CENPK: variants seen among roughly 807,000 people sequenced by gnomAD.
CENPK encodes the protein SoxLZ/Sox6-binding protein Solt.
In CENPK, 46 loss-of-function variants were observed where a neutral mutation model predicts 40.9. The observed-to-expected ratio is 1.13, with a 90% CI of 0.89 to 1.44. The LOEUF (loss-of-function observed/expected upper bound fraction) is 1.44, where lower values mean the gene tolerates loss of function less well. CENPK is among the 40% of genes most tolerant of loss of function. CENPK has a pLI of 0.00. For synonymous variants in CENPK, 107 were observed against 104.4 expected, an observed-to-expected ratio of 1.02 and a Z score of -0.15; for missense variants, 288 against 303.5, an observed-to-expected ratio of 0.95 and a Z score of 0.38.
chr5:65,530,073 G>A (rs1745502760), intron 6 of CENPK, among the ~76,000 whole-genome samples: 1 of 152,150 alleles, frequency 6.6e-6, no homozygotes, highest in African/African-American at 2.4e-5. Context: ...AAAGTGCTAG[G>A]ATTACAGGTG....
downstream of CENPK, among the ~76,000 whole-genome samples, chr5:65,514,447 A>C (rs1262279166): frequency 6.6e-6 from 1 of 151,250 alleles, no homozygotes; most frequent in Non-Finnish European, 1.5e-5. Context: ...TAGTATTTTT[A>C]GTAGAGACGG....
rs1309279945 is a variant in CENPK at position 65,529,031 on chromosome 5, A to C, written c.372-14T>G. 3 of 1,581,002 alleles carry C rather than the reference A, an allele frequency of 1.9e-6. No homozygotes were observed. The African/African-American group carries it at 4.1e-5, about 21-fold the overall frequency. ...CACCGTTGTTCCCTTTCGACATGGA[A>C]AAACAATACAAGCAATATCTAAATA... is the stretch of plus-strand genomic sequence containing the variant. On this transcript the variant is annotated splice_polypyrimidine_tract_variant and intron_variant, in intron 7 of 10. Transcript: ENST00000396679.
intron 5 of CENPK, among the ~76,000 whole-genome samples, chr5:65,549,961 GATCAAGACC>G (rs1749680723): frequency 6.6e-6 from 1 of 152,080 alleles, no homozygotes; most frequent in African/African-American, 2.4e-5. Context: ...GAGGTTAGGA[GATCAAGACC>G]ATCCTGGCCA....
chr5:65,537,312 TG>T (rs1747089996), intron 6 of CENPK, among the ~76,000 whole-genome samples: 1 of 152,134 alleles, frequency 6.6e-6, no homozygotes, highest in African/African-American at 2.4e-5. Flanking sequence ...TGAATAAACT[TG>T]TTTTTTTTTG....
intron 9 of CENPK, among the ~76,000 whole-genome samples, chr5:65,525,174 T>A (rs1239871937): frequency 1.3e-5 from 2 of 152,006 alleles, no homozygotes; most frequent in Non-Finnish European, 2.9e-5. Context: ...GCCTGGCCAA[T>A]ATGGTAAAAT....
chr5:65,514,678 T>C (rs1742744677), downstream of CENPK, among the ~76,000 whole-genome samples: 1 of 152,228 alleles, frequency 6.6e-6, no homozygotes, highest in African/African-American at 2.4e-5. Flanking sequence ...TAGAATTCAC[T>C]AGTGAAGCCA....
At chr5:65,533,147 C>T (rs1434319468) in intron 6 of CENPK, among the ~76,000 whole-genome samples, 1 of 151,536 alleles carries the variant, frequency 6.6e-6, no homozygotes, top group East Asian at 2.0e-4. Context: ...GTTAAGAGTT[C>T]AAGACCAGCC....
chr5:65,542,439 C>G (rs1298329572), intron 6 of CENPK, among the ~76,000 whole-genome samples: 1 of 152,126 alleles, frequency 6.6e-6, no homozygotes, highest in Admixed American at 6.5e-5. Flanking sequence ...GAGTTCAAGA[C>G]CAGCCTGGCT....
chr5:65,518,631 A>G lies in CENPK; in HGVS notation c.654T>C (p.Ile218=), dbSNP rs1457022289. ...GAACATCAAATAATCTATTTATAAGAATCTAGGAGAAAATATCATTCAAAA... is the reference window on the plus strand; with the variant it reads ...GAACATCAAATAATCTATTTATAAGGATCTAGGAGAAAATATCATTCAAAA... ...NLITLHEMLE[I]LINRLFDVPH... is the part of the protein sequence containing the mutation. The change falls in exon 11 of 11, where the codon ATT becomes ATC. Residue 218 remains isoleucine (I), a splice_region_variant and synonymous_variant. Coordinates refer to ENST00000396679, the MANE Select transcript of CENPK (RefSeq NM_022145.5). 1.3e-6 allele frequency: 2 copies of G among 1,551,786 alleles called. No homozygotes were observed. Among genetic ancestry groups the G allele is most frequent in the African/African-American group, 2.8e-5 (2 of 72,712 alleles).
intron 2 of CENPK, among the ~76,000 whole-genome samples, chr5:65,557,909 G>T (rs137894526): frequency 6.6e-6 from 1 of 152,280 alleles, no homozygotes; most frequent in Non-Finnish European, 1.5e-5. Flanking sequence ...TGGAAGGCAA[G>T]GAATTAAAAA....
At chr5:65,496,805 G>A in the CENPK span, among the ~76,000 whole-genome samples, 4,985 of 152,142 alleles carry the variant, frequency 0.033, 143 homozygotes, top group South Asian at 0.086. Context: ...TGTAATCCCA[G>A]CACTTTGGGA....
intron 9 of CENPK, among the ~76,000 whole-genome samples, chr5:65,525,557 T>C (rs906347409): frequency 6.6e-6 from 1 of 152,196 alleles, no homozygotes; most frequent in Admixed American, 6.5e-5. Flanking sequence ...GGGAGTTTTG[T>C]TGTTTTTAGC....
intron 6 of CENPK, among the ~76,000 whole-genome samples, chr5:65,537,882 T>C (rs1377323765): frequency 6.6e-6 from 1 of 152,234 alleles, no homozygotes; most frequent in Non-Finnish European, 1.5e-5. Context: ...AACATTCATG[T>C]GTAACTTTTC....
the CENPK span, among the ~76,000 whole-genome samples, chr5:65,502,720 C>T: frequency 3.3e-5 from 5 of 152,044 alleles, no homozygotes; most frequent in African/African-American, 1.2e-4. Context: ...TAACAATCCT[C>T]CCACATCACT....
intron 10 of CENPK, among the ~76,000 whole-genome samples, chr5:65,521,098 A>G (rs1157408794): frequency 1.3e-5 from 2 of 152,128 alleles, no homozygotes; most frequent in African/African-American, 4.8e-5. Flanking sequence ...TATAGAGTAC[A>G]GAGCTACCAA....
chr5:65,559,559 G>GCTTCA (rs1751595100), intron 2 of CENPK, among the ~76,000 whole-genome samples: 1 of 150,392 alleles, frequency 6.6e-6, no homozygotes, highest in Admixed American at 6.6e-5. Flanking sequence ...AACCCGGGAG[G>GCTTCA]CGGAGCTTGC....
intron 6 of CENPK, among the ~76,000 whole-genome samples, chr5:65,537,463 C>G (rs919248747): frequency 2.0e-5 from 3 of 152,182 alleles, no homozygotes; most frequent in Non-Finnish European, 4.4e-5. Context: ...CGCCACCACG[C>G]CCAGCTAATT....
At chr5:65,502,428 A>G in the CENPK span, among the ~76,000 whole-genome samples, 2 of 152,186 alleles carry the variant, frequency 1.3e-5, no homozygotes, top group Non-Finnish European at 2.9e-5. Flanking sequence ...ATAATGTGCA[A>G]AGTTTTAAGC....
chr5:65,517,148 G>T (rs1742917430), downstream of CENPK, among the ~76,000 whole-genome samples: 1 of 152,058 alleles, frequency 6.6e-6, no homozygotes, highest in Non-Finnish European at 1.5e-5. Flanking sequence ...TCACCATGTT[G>T]GCCTGGCTGG....
Sources: gnomAD v4.1 joint callset for allele counts (sites outside exome capture counted in the v4.1 genomes callset) on GRCh38, gnomAD v4.1.1 for gene constraint, MANE v1.5 for transcripts, NCBI Gene and HGNC (gene_info 2026-07-23, HGNC 2026-07-21) for gene names.